NNT: variants seen among roughly 807,000 people sequenced by gnomAD.
NNT encodes the protein nicotinamide nucleotide transhydrogenase.
NNT carries 50 observed loss-of-function variants against 104.8 expected under a neutral mutation model. The ratio of observed to expected loss-of-function variants is 0.48; its 90% confidence interval spans 0.38 to 0.60. NNT has a LOEUF of 0.60. Ranked by LOEUF, NNT falls within the 20% of genes least tolerant of loss-of-function variation. The pLI, the probability that NNT is intolerant of heterozygous loss-of-function variation, is 0.00. For synonymous variants in NNT, 461 were observed against 490.4 expected, an observed-to-expected ratio of 0.94 and a Z score of 0.79; for missense variants, 1,131 against 1,330.7, an observed-to-expected ratio of 0.85 and a Z score of 2.33.
At chr5:43,686,107 T>C (rs1741974416) in intron 19 of NNT, among the ~76,000 whole-genome samples, 1 of 152,136 alleles carries the variant, frequency 6.6e-6, no homozygotes, top group Non-Finnish European at 1.5e-5. Context: ...TAGATTATTC[T>C]ACTTTTTTTG....
At position 43,647,992 on chromosome 5, in the gene NNT, C is replaced by A. The variant is rs139354617; in HGVS notation, c.1445-1155C>A. 817 of 702,162 alleles carry A rather than the reference C, an allele frequency of 1.2e-3. 12 individuals carry two copies. The African/African-American group carries it at 0.013, about 12-fold the overall frequency. 43.5% of individuals were successfully genotyped at this position (702,162 alleles called of 1,614,324 possible). A position where few individuals can be genotyped will look rare whatever the true frequency, so the allele number is the denominator to read the frequency against. On this transcript the variant is annotated intron_variant, in intron 10 of 21. Coordinates refer to ENST00000344920, the MANE Select transcript of NNT (RefSeq NM_182977.3). ...AAGCACAGAGAGGTTAAGTAACTTG[C>A]CTGAGATGACACAGCTAGGGAGCAG...
Position 43,645,206 on chromosome 5 carries a change from A to G in NNT, c.1291-151A>G, listed in dbSNP as rs7731399. Reference sequence around the variant, plus strand: ...ATTTGTATATGTATGTGACATATTTATGTAAAATGATGTTACAAATTATAT... The same window carrying G: ...ATTTGTATATGTATGTGACATATTTGTGTAAAATGATGTTACAAATTATAT... On this transcript the variant is annotated intron_variant, in intron 9 of 21. Coordinates refer to ENST00000344920, the MANE Select transcript of NNT (RefSeq NM_182977.3). The G allele has an allele frequency of 4.3e-3, 1,747 of 408,232 alleles. 25 individuals carry two copies. Among genetic ancestry groups the G allele is most frequent in the African/African-American group, 0.032 (1,554 of 48,060 alleles). The allele number at this position is 408,232 out of a possible 1,614,324, so 25.3% of individuals were successfully genotyped here. A position where few individuals can be genotyped will look rare whatever the true frequency, so the allele number is the denominator to read the frequency against.
intron 16 of NNT, among the ~76,000 whole-genome samples, chr5:43,658,364 A>G (rs1045501515): frequency 6.6e-6 from 1 of 152,208 alleles, no homozygotes; most frequent in Non-Finnish European, 1.5e-5. Context: ...ATAAAAAGCA[A>G]AAAGCTTTTT....
Position 43,704,530 on chromosome 5 carries a change from G to A in NNT, c.*126G>A. ...GCTCTTGGAGAAAATGAAGACTGAA[G>A]AAAGCAAAGCAAAAACTGTATAGAG... On this transcript the variant is annotated 3_prime_UTR_variant, in exon 22 of 22. Coordinates refer to ENST00000344920, the MANE Select transcript of NNT (RefSeq NM_182977.3). The A allele has an allele frequency of 1.1e-6, 1 of 947,706 alleles. No individual in the cohort carries two copies. Among genetic ancestry groups the A allele is most frequent in the Non-Finnish European group, 1.5e-6 (1 of 661,508 alleles). 58.7% of individuals were successfully genotyped at this position (947,706 alleles called of 1,614,324 possible).
chr5:43,660,674 A>G (rs1380826073), intron 17 of NNT, among the ~76,000 whole-genome samples: 1 of 152,220 alleles, frequency 6.6e-6, no homozygotes, highest in African/African-American at 2.4e-5. Flanking sequence ...GCTTACAATC[A>G]TGGCAGAAGG....
chr5:43,702,821 GAA>G (rs1185024640), intron 21 of NNT, 85 bp downstream of exon 21: 2 of 976,454 alleles, frequency 2.0e-6, no homozygotes, highest in African/African-American at 3.3e-5. Context: ...CATTTGATAA[GAA>G]ATGATGATGC....
chr5:43,646,888 T>C (rs1342585910), intron 10 of NNT, among the ~76,000 whole-genome samples: 1 of 152,224 alleles, frequency 6.6e-6, no homozygotes, highest in African/African-American at 2.4e-5. Context: ...AATTCATCTT[T>C]ACAAAAACAC....
rs565175426 is a variant in NNT at position 43,629,150 on chromosome 5, AC to A, written c.964+770del. Among the ~76,000 whole-genome samples the A allele has an allele frequency of 6.1e-5, 9 of 148,718 alleles. No homozygotes were observed. The South Asian group carries it at 6.4e-4, about 11-fold the overall frequency. ...CACAATGTTTAGTCTTTTATCCCTCACCCCCCCTCCCACTCTTAACCCCTGA... is the reference window on the plus strand; with the variant it reads ...CACAATGTTTAGTCTTTTATCCCTCACCCCCCTCCCACTCTTAACCCCTGA... On this transcript the variant is annotated intron_variant, in intron 7 of 21. Transcript: ENST00000344920.
In NNT at chr5:43,660,433, CTT is replaced by C. The variant is rs35407725; in HGVS notation, c.2634+1091_2634+1092del. Among the ~76,000 whole-genome samples the C allele has an allele frequency of 2.6e-5, 4 of 151,476 alleles. No homozygotes were observed. In the East Asian group the frequency reaches 7.8e-4, roughly 29 times the overall value. On this transcript the variant is annotated intron_variant, in intron 17 of 21. Transcript: ENST00000344920. ...ATTATAATTAAAGGTTTGAGTAGAA[CTT>C]TTTTTTTCAAATTATGGATGTTATT... is the stretch of plus-strand genomic sequence containing the variant.
At chr5:43,677,618 A>C in intron 18 of NNT, 107 bp from the exon 19 acceptor site, 1 of 942,536 alleles carries the variant, frequency 1.1e-6, no homozygotes, top group Non-Finnish European at 1.7e-6. Flanking sequence ...CTGTTAAATG[A>C]TTGCCTCTGT....
chr5:43,674,355 A>G (rs377161152), intron 17 of NNT, among the ~76,000 whole-genome samples: 3 of 152,164 alleles, frequency 2.0e-5, no homozygotes, highest in South Asian at 2.1e-4. Flanking sequence ...CCAAGCTGGT[A>G]GCAGGCTGAG....
At chr5:43,620,803 C>T (rs1201652172) in intron 5 of NNT, among the ~76,000 whole-genome samples, 3 of 152,088 alleles carry the variant, frequency 2.0e-5, no homozygotes, top group Non-Finnish European at 4.4e-5. Context: ...GCCAGAAGTT[C>T]GATGCTGTTC....
chr5:43,650,350 G>T (rs930317742), intron 11 of NNT, 127 bp from the exon 12 acceptor site: 20 of 596,658 alleles, frequency 3.4e-5, no homozygotes, highest in African/African-American at 2.9e-4. Flanking sequence ...GTGTAAGAAA[G>T]CTGCCTTGTT....
At chr5:43,643,799 T>C (rs1751359369) in intron 7 of NNT, among the ~76,000 whole-genome samples, 1 of 152,270 alleles carries the variant, frequency 6.6e-6, no homozygotes, top group Admixed American at 6.5e-5. Context: ...TGGTGACCTT[T>C]ACGAATTGTT....
At chr5:43,691,663 T>G (rs1304948300) in intron 19 of NNT, among the ~76,000 whole-genome samples, 1 of 152,246 alleles carries the variant, frequency 6.6e-6, no homozygotes. Context: ...AGCTGATTAA[T>G]AATGCAATGT....
chr5:43,616,311 A>G (rs923110754), intron 4 of NNT, among the ~76,000 whole-genome samples: 4 of 152,214 alleles, frequency 2.6e-5, no homozygotes, highest in African/African-American at 9.7e-5. Context: ...TCCATTCACC[A>G]AAGCAAATAG....
intron 7 of NNT, among the ~76,000 whole-genome samples, chr5:43,642,518 T>C (rs1751291303): frequency 6.6e-6 from 1 of 152,212 alleles, no homozygotes; most frequent in Non-Finnish European, 1.5e-5. Context: ...GTATTGTCTC[T>C]GGGCAAAATG....
Position 43,610,192 on chromosome 5 carries a change from AC to A in NNT, c.151+847del, listed in dbSNP as rs200842035. Among the ~76,000 whole-genome samples the A allele has an allele frequency of 7.0e-3, 966 of 138,192 alleles. 38 individuals are homozygous for A. Among genetic ancestry groups the A allele is most frequent in the Admixed American group, 0.068 (908 of 13,352 alleles). 90.7% of individuals were successfully genotyped at this position (138,192 alleles called of 152,430 possible). On this transcript the variant is annotated intron_variant, in intron 2 of 21. Coordinates refer to ENST00000344920, the MANE Select transcript of NNT (RefSeq NM_182977.3). ...AAAGGGGCCCTTCTAAACCAAGTCAACTGTCTGTCTTTTTTTTTTTTTTTTT... is the reference window on the plus strand; with the variant it reads ...AAAGGGGCCCTTCTAAACCAAGTCAATGTCTGTCTTTTTTTTTTTTTTTTT...
At chr5:43,654,522 C>T (rs1051237075) in intron 14 of NNT, among the ~76,000 whole-genome samples, 7 of 152,206 alleles carry the variant, frequency 4.6e-5, no homozygotes, top group African/African-American at 1.4e-4. Context: ...GTTTTACTTT[C>T]GTCTTACTTA....
Sources: allele counts gnomAD v4.1 joint callset (sites outside exome capture counted in the v4.1 genomes callset), GRCh38; gene constraint gnomAD v4.1.1; transcripts MANE v1.5; gene names NCBI Gene and HGNC (gene_info 2026-07-23, HGNC 2026-07-21).